SHQ1: variants seen among roughly 807,000 people sequenced by gnomAD.
SHQ1 encodes SHQ1, H/ACA ribonucleoprotein assembly factor, also known as protein SHQ1 homolog.
SHQ1 carries 49 observed loss-of-function variants against 53.8 expected under a neutral mutation model. The ratio of observed to expected loss-of-function variants is 0.91; its 90% CI spans 0.72 to 1.16. The LOEUF (loss-of-function observed/expected upper bound fraction) is 1.16. SHQ1 is among the 50% of genes most tolerant of loss of function. The probability of loss-of-function intolerance (pLI) is 0.00; values close to 1 mark genes in which losing one functional copy is unlikely to be tolerated. For synonymous variants in SHQ1, 243 were observed against 251.0 expected, an observed-to-expected ratio of 0.97 and a Z score of 0.30; for missense variants, 738 against 683.1, an observed-to-expected ratio of 1.08 and a Z score of -0.90.
intron 7 of SHQ1, among the ~76,000 whole-genome samples, chr3:72,815,727 G>C (rs76970804): frequency 0.019 from 2,922 of 151,852 alleles, 80 homozygotes; most frequent in Middle Eastern, 0.058. Context: ...TTTCCACTAA[G>C]TTACATGCCT....
At position 72,750,240 on chromosome 3, in the gene SHQ1, C is replaced by T; in HGVS notation, c.*44G>A. 7.0e-7 allele frequency: 1 copy of T among 1,421,474 alleles called. No homozygotes were observed. The highest frequency in any genetic ancestry group is 9.6e-7 in the Non-Finnish European group (1 of 1,040,102). The allele number at this position is 1,421,474 out of a possible 1,614,324, so 88.1% of individuals were successfully genotyped here. A position where few individuals can be genotyped will look rare whatever the true frequency, so the allele number is the denominator to read the frequency against. On this transcript the variant is annotated 3_prime_UTR_variant, in exon 11 of 11. Coordinates refer to ENST00000325599, the MANE Select transcript of SHQ1 (RefSeq NM_018130.3). ...AGAATTCTCATTCGGTAAATGAAAC[C>T]CAATCTACCATATTTCTCAACAATG...
At chr3:72,772,651 C>T (rs555364638) in intron 10 of SHQ1, 4 of 712,620 alleles carry the variant, frequency 5.6e-6, no homozygotes, top group Admixed American at 4.0e-5. Context: ...AGAAGATGTA[C>T]TAGACAATCT....
chr3:72,789,512 C>A (rs930852460), intron 10 of SHQ1, among the ~76,000 whole-genome samples: 4 of 152,028 alleles, frequency 2.6e-5, no homozygotes, highest in African/African-American at 9.7e-5. Flanking sequence ...TGGCAGCCCA[C>A]CAGCAAAGAA....
In SHQ1 at chr3:72,766,741, G is replaced by A. The variant is rs557796878; in HGVS notation, c.1182-15905C>T. 5.9e-5 allele frequency among the ~76,000 whole-genome samples: 9 copies of A among 152,212 alleles called. No homozygotes were observed. In the South Asian group the frequency reaches 1.7e-3, roughly 28 times the overall value. On this transcript the variant is annotated intron_variant, in intron 10 of 10. Transcript: ENST00000325599. ...CAGGTCTGCCGGTGAAGGGAGGGGG[G>A]AACTGAAAGCACAGGCCTCTTTTAA...
intron 6 of SHQ1, among the ~76,000 whole-genome samples, chr3:72,819,208 A>G (rs1707405936): frequency 6.6e-6 from 1 of 152,178 alleles, no homozygotes; most frequent in African/African-American, 2.4e-5. Context: ...GCTCAACTTT[A>G]AGCACTAGTT....
At chr3:72,784,491 T>C (rs919827109) in intron 10 of SHQ1, among the ~76,000 whole-genome samples, 6 of 152,236 alleles carry the variant, frequency 3.9e-5, no homozygotes, top group Admixed American at 1.3e-4. Flanking sequence ...TACTAATCTT[T>C]TCTTATGGAG....
downstream of SHQ1, chr3:72,749,227 A>T (rs1238962208): frequency 4.9e-6 from 1 of 203,508 alleles, no homozygotes; most frequent in Non-Finnish European, 1.0e-5. Context: ...TGGTCATTCC[A>T]CTCTCAGGTA....
chr3:72,832,401 A>G lies in SHQ1; in HGVS notation c.567T>C (p.Ala189=), dbSNP rs747103085. Residue 189 remains alanine, a synonymous_variant, in exon 5 of 11, where the codon GCT becomes GCC. Coordinates refer to ENST00000325599, the MANE Select transcript of SHQ1 (RefSeq NM_018130.3). ...GATCAGGATCAAACTTGGCCAGCTCAGCGGCCAGGCGCTTCTGTCTTCGTT... is the reference window on the plus strand; with the variant it reads ...GATCAGGATCAAACTTGGCCAGCTCGGCGGCCAGGCGCTTCTGTCTTCGTT... ...AAERRQKRLA[A]ELAKFDPDHY... 5.0e-6 allele frequency: 8 copies of G among 1,612,528 alleles called. No homozygotes were observed. In the South Asian group the frequency reaches 8.8e-5, roughly 18 times the overall value.
At chr3:72,751,652 A>C (rs962769012) in intron 10 of SHQ1, among the ~76,000 whole-genome samples, 1 of 151,770 alleles carries the variant, frequency 6.6e-6, no homozygotes, top group Admixed American at 6.6e-5. Flanking sequence ...AGGAAATATA[A>C]GTAACTCTTA....
intron 10 of SHQ1, among the ~76,000 whole-genome samples, chr3:72,764,713 C>A (rs1705684602): frequency 6.6e-6 from 1 of 152,202 alleles, no homozygotes; most frequent in African/African-American, 2.4e-5. Flanking sequence ...CAGCCCCCAA[C>A]CCAGGTCTCT....
At chr3:72,800,680 C>T (rs892825479) in intron 9 of SHQ1, among the ~76,000 whole-genome samples, 76 of 152,132 alleles carry the variant, frequency 5.0e-4, no homozygotes, top group African/African-American at 1.8e-3. Context: ...GTCTGGAGTA[C>T]AAAGAATCTA....
chr3:72,735,684 G>A, the SHQ1 span, among the ~76,000 whole-genome samples: 27,560 of 140,310 alleles, frequency 0.2, 825 homozygotes, highest in Non-Finnish European at 0.22. Flanking sequence ...ACTGAACTCT[G>A]CCCAATTCAG....
Position 72,848,337 on chromosome 3 carries a change from G to C in SHQ1, c.4C>G (p.Leu2Val). The C allele has an allele frequency of 6.2e-7, 1 of 1,613,868 alleles. No homozygotes were observed. Among genetic ancestry groups the C allele is most frequent in the Non-Finnish European group, 8.5e-7 (1 of 1,179,894 alleles). The change falls in exon 1 of 11, where the codon CTG becomes GTG. Residue 2 changes from leucine (L) to valine (V), a missense_variant. Physicochemically the swap from Leu to Val is conservative, Grantham distance 32. Transcript: ENST00000325599. Reference sequence around the variant, plus strand: ...TGGCTGAGGTCGAACGCCGGGGTCAGCATCGCCGCACCGGACGCAAGGGCC... The same window carrying C: ...TGGCTGAGGTCGAACGCCGGGGTCACCATCGCCGCACCGGACGCAAGGGCC... Reference protein sequence around the residue: MLTPAFDLSQDP... With the variant: MVTPAFDLSQDP...
intron 9 of SHQ1, among the ~76,000 whole-genome samples, chr3:72,799,085 C>T (rs954569909): frequency 1.5e-4 from 22 of 151,500 alleles, no homozygotes; most frequent in Non-Finnish European, 2.5e-4. Context: ...CTATAGGAGG[C>T]GCCAATACAG....
chr3:72,844,518 C>A, intron 1 of SHQ1, 95 bp from the exon 2 acceptor site: 2 of 931,114 alleles, frequency 2.1e-6, no homozygotes, highest in South Asian at 2.7e-5. Context: ...CAAAATATAT[C>A]AATCATTTTT....
At chr3:72,755,928 G>A (rs1007452848) in intron 10 of SHQ1, among the ~76,000 whole-genome samples, 37 of 152,288 alleles carry the variant, frequency 2.4e-4, no homozygotes, top group South Asian at 2.3e-3. Context: ...ACAGGTTCTC[G>A]CTTTATTGCC....
the SHQ1 span, among the ~76,000 whole-genome samples, chr3:72,732,034 A>G: frequency 6.6e-6 from 1 of 151,680 alleles, no homozygotes; most frequent in Non-Finnish European, 1.5e-5. Context: ...GCCATTAGCC[A>G]CAGGTCACCA....
intron 10 of SHQ1, among the ~76,000 whole-genome samples, chr3:72,787,766 C>T (rs1343270353): frequency 1.3e-5 from 2 of 151,812 alleles, no homozygotes; most frequent in African/African-American, 2.4e-5. Context: ...TGATGCCGAG[C>T]GGAGGCTGGA....
intron 1 of SHQ1, among the ~76,000 whole-genome samples, chr3:72,845,711 T>C (rs185750577): frequency 8.8e-4 from 134 of 152,252 alleles, no homozygotes; most frequent in Non-Finnish European, 1.6e-3. Flanking sequence ...AACTTGAAAT[T>C]TGAGCTTCCT....
Sources: gnomAD v4.1 joint callset for allele counts (sites outside exome capture counted in the v4.1 genomes callset) on GRCh38, gnomAD v4.1.1 for gene constraint, MANE v1.5 for transcripts, NCBI Gene and HGNC (gene_info 2026-07-23, HGNC 2026-07-21) for gene names.